VIPR2: variants seen among roughly 807,000 people sequenced by gnomAD.
VIPR2 encodes the protein vasoactive intestinal peptide receptor 2.
A neutral mutation model predicts 58.0 loss-of-function variants in VIPR2; 48 were observed. The observed-to-expected ratio is 0.83, with a 90% CI of 0.66 to 1.05. VIPR2 has a LOEUF of 1.05. Among genes scored for constraint, VIPR2 ranks in the 50% least tolerant of loss-of-function variants. The pLI is 0.00. For synonymous variants in VIPR2, 243 were observed against 235.2 expected, an observed-to-expected ratio of 1.03 and a Z score of -0.30; for missense variants, 534 against 558.0, an observed-to-expected ratio of 0.96 and a Z score of 0.43.
At position 159,142,451 on chromosome 7, in the gene VIPR2, T is replaced by C. The variant is rs943387144; in HGVS notation, c.146A>G (p.His49Arg). The change falls in exon 2 of 13, where the codon CAC (histidine) becomes CGC (arginine). Residue 49 changes from histidine to arginine, a missense_variant. By Grantham distance (29) the His-to-Arg change is conservative. Around this residue, in one of 3 missense-constraint regions of VIPR2, gnomAD observed 224 missense variants for 255.7 expected, o/e 0.88. Transcript: ENST00000262178. ...AELLRSQTEK[H>R]KACSGVWDNI... is the part of the protein sequence containing the mutation. ...TCACCAAGCCTCTGCCTTACCTTTG[T>C]GTTTTTCTGTTTGAGACCTCAGAAG... 6.2e-7 allele frequency: 1 copy of C among 1,613,582 alleles called. No individual in the cohort carries two copies. The highest frequency in any genetic ancestry group is 8.5e-7 in the Non-Finnish European group (1 of 1,179,590).
intron 4 of VIPR2, chr7:159,059,490 CAG>C (rs1448728758): frequency 2.7e-6 from 1 of 371,048 alleles, no homozygotes; most frequent in Non-Finnish European, 5.3e-6. Flanking sequence ...AGGCAAAACT[CAG>C]AAAGTTATGC....
At chr7:159,042,541 G>A (rs111703333) in intron 6 of VIPR2, among the ~76,000 whole-genome samples, 4 of 152,334 alleles carry the variant, frequency 2.6e-5, no homozygotes, top group African/African-American at 9.6e-5. Context: ...CAAAGAGTTG[G>A]ACGCAGATAT....
intron 1 of VIPR2, 62 bp downstream of exon 1, chr7:159,144,659 C>G (rs1797618069): frequency 7.3e-7 from 1 of 1,374,778 alleles, no homozygotes; most frequent in Non-Finnish European, 9.4e-7. Context: ...GAGGAGCGCT[C>G]TTCTCGGAAG....
Position 159,034,617 on chromosome 7 carries a change from C to G in VIPR2, c.843G>C (p.Trp281Cys), listed in dbSNP as rs1853807807. ...TTAAAATCGGTATTCGTATGACCCA[C>G]CAGGGCACACTGTGGTCGTTTGTAT... ...CWDTNDHSVP[W>C]WVIRIPILIS... The change falls in exon 9 of 13, where the codon TGG (tryptophan) becomes TGC (cysteine). Residue 281 changes from tryptophan to cysteine, a missense_variant. By Grantham distance (215) the Trp-to-Cys change is radical. Coordinates refer to ENST00000262178, the MANE Select transcript of VIPR2 (RefSeq NM_003382.5). The G allele has an allele frequency of 6.2e-7, 1 of 1,613,930 alleles. No individual in the cohort carries two copies. Among genetic ancestry groups the G allele is most frequent in the African/African-American group, 1.3e-5 (1 of 74,912 alleles).
At chr7:159,053,375 C>A (rs975843709) in intron 5 of VIPR2, among the ~76,000 whole-genome samples, 5 of 152,058 alleles carry the variant, frequency 3.3e-5, no homozygotes, top group African/African-American at 1.2e-4. Context: ...TGTAAGACTT[C>A]CACTCGGAAA....
At chr7:159,062,676 T>G (rs7791538) in intron 4 of VIPR2, among the ~76,000 whole-genome samples, 3,490 of 69,066 alleles carry the variant, frequency 0.051, 148 homozygotes, top group African/African-American at 0.11. Flanking sequence ...AGCAGCAAGA[T>G]TTACTGCAGC....
chr7:159,059,084 T>G (rs988405644), intron 4 of VIPR2: 4 of 368,406 alleles, frequency 1.1e-5, no homozygotes, highest in African/African-American at 8.5e-5. Flanking sequence ...GGAATTTTAT[T>G]TCCTTAACAT....
At chr7:159,040,685 G>A (rs1274124281) in intron 6 of VIPR2, among the ~76,000 whole-genome samples, 1 of 152,216 alleles carries the variant, frequency 6.6e-6, no homozygotes, top group East Asian at 1.9e-4. Flanking sequence ...GTTTGGTGAA[G>A]TCAGCTGGGA....
At chr7:159,064,518 G>A (rs993339638) in intron 4 of VIPR2, among the ~76,000 whole-genome samples, 2 of 152,150 alleles carry the variant, frequency 1.3e-5, no homozygotes, top group Non-Finnish European at 1.5e-5. Flanking sequence ...AAGTCGGGGC[G>A]GCCAGCTGGG....
chr7:159,032,391 C>G (rs1853651194), intron 10 of VIPR2, among the ~76,000 whole-genome samples: 1 of 152,222 alleles, frequency 6.6e-6, no homozygotes. Context: ...CCCAAACCTA[C>G]ACAGGCCCCG....
chr7:159,087,555 T>G (rs990840264), intron 4 of VIPR2, among the ~76,000 whole-genome samples: 1 of 123,806 alleles, frequency 8.1e-6, no homozygotes, highest in African/African-American at 3.1e-5. Context: ...AGGACTCGGA[T>G]AGTGAGATAC....
At chr7:159,088,246 C>T (rs1857291305) in intron 4 of VIPR2, among the ~76,000 whole-genome samples, 1 of 152,238 alleles carries the variant, frequency 6.6e-6, no homozygotes, top group Non-Finnish European at 1.5e-5. Flanking sequence ...GGTACATCCA[C>T]ACACATGCTG....
At chr7:159,085,154 G>A (rs997419508) in intron 4 of VIPR2, among the ~76,000 whole-genome samples, 1 of 152,294 alleles carries the variant, frequency 6.6e-6, no homozygotes, top group East Asian at 1.9e-4. Context: ...CTCCACTTAG[G>A]AGACTGTCAG....
intron 4 of VIPR2, among the ~76,000 whole-genome samples, chr7:159,075,500 T>C (rs1257643580): frequency 6.6e-6 from 1 of 152,238 alleles, no homozygotes; most frequent in Non-Finnish European, 1.5e-5. Flanking sequence ...ATATTTTTAG[T>C]GTCAGGAGTG....
At chr7:159,064,126 CCG>C (rs1855934058) in intron 4 of VIPR2, among the ~76,000 whole-genome samples, 1 of 146,434 alleles carries the variant, frequency 6.8e-6, no homozygotes, top group Non-Finnish European at 1.5e-5. Flanking sequence ...GATGGGGAAG[CCG>C]CGCCCGGCGT....
intron 6 of VIPR2, among the ~76,000 whole-genome samples, chr7:159,038,786 G>A (rs929158804): frequency 2.6e-5 from 4 of 152,104 alleles, no homozygotes; most frequent in African/African-American, 9.7e-5. Context: ...GTGCTAAAAG[G>A]ATGGAAAGCA....
chr7:159,065,328 C>T (rs1007371277), intron 4 of VIPR2, among the ~76,000 whole-genome samples: 1 of 152,130 alleles, frequency 6.6e-6, no homozygotes. Flanking sequence ...CCGCAGGAGA[C>T]GGGGGCAGGA....
intron 4 of VIPR2, among the ~76,000 whole-genome samples, chr7:159,092,999 C>T (rs370546163): frequency 1.7e-4 from 26 of 152,224 alleles, no homozygotes; most frequent in Middle Eastern, 3.4e-3. Flanking sequence ...GCAGCCTCTC[C>T]GGGGAGAGTG....
chr7:159,034,506 A>G, intron 9 of VIPR2, 75 bp downstream of exon 9: 1 of 1,485,002 alleles, frequency 6.7e-7, no homozygotes, highest in Non-Finnish European at 9.4e-7. Flanking sequence ...TCTATTTAAT[A>G]AAGGATGGCA....
Sources: gnomAD v4.1 joint callset for allele counts (sites outside exome capture counted in the v4.1 genomes callset) on GRCh38, gnomAD v4.1.1 for gene constraint, gnomAD v4.1.1 regional missense constraint, MANE v1.5 for transcripts, NCBI Gene and HGNC (gene_info 2026-07-23, HGNC 2026-07-21) for gene names.